SELENOI: variants seen among roughly 807,000 people sequenced by gnomAD.
SELENOI encodes the protein ethanolaminephosphotransferase 1.
Under a neutral mutation model 50.7 loss-of-function variants are expected in SELENOI, and 24 were observed. That is an observed-to-expected ratio of 0.47 (90% CI 0.34 to 0.67). The LOEUF is 0.67. Among genes scored for constraint, SELENOI ranks in the 30% least tolerant of loss-of-function variants. The probability of loss-of-function intolerance (pLI) is 0.01; values close to 1 mark genes in which losing one functional copy is unlikely to be tolerated. For synonymous variants in SELENOI, 155 were observed against 170.2 expected (o/e 0.91, Z 0.70); for missense variants, 352 against 461.4 (o/e 0.76, Z 2.17).
intron 1 of SELENOI, among the ~76,000 whole-genome samples, chr2:26,353,813 A>G (rs1164893881): frequency 6.6e-6 from 1 of 152,190 alleles, no homozygotes; most frequent in African/African-American, 2.4e-5. Context: ...CTGAAATAAC[A>G]GTTCACTGAT....
intron 6 of SELENOI, among the ~76,000 whole-genome samples, chr2:26,379,877 A>G (rs1022434677): frequency 7.2e-5 from 11 of 152,222 alleles, no homozygotes; most frequent in Admixed American, 7.2e-4. Flanking sequence ...GTGACACAGA[A>G]TACTCATTTG....
chr2:26,364,451 C>A, intron 2 of SELENOI, 81 bp downstream of exon 2: 1 of 887,300 alleles, frequency 1.1e-6, no homozygotes, highest in Non-Finnish European at 1.8e-6. Context: ...ATTATAAATG[C>A]AACTCTCAGT....
Position 26,346,257 on chromosome 2 carries a change from C to A in SELENOI, c.25C>A (p.Pro9Thr), listed in dbSNP as rs759682662. MAGYEYVS[P>T]EQLAGFDKYK... ...CATGGCTGGCTACGAATACGTGAGC[C>A]CGGAGCAGCTGGCTGGCTTTGATAA... Residue 9 changes from proline (P) to threonine (T), a missense_variant, in exon 1 of 10, where the codon CCG becomes ACG. Coordinates refer to ENST00000260585, the MANE Select transcript of SELENOI (RefSeq NM_033505.4). The A allele has an allele frequency of 6.2e-7, 1 of 1,613,636 alleles. No homozygotes were observed.
At chr2:26,386,595 G>A (rs1213502846) in intron 9 of SELENOI, 59 bp downstream of exon 9, 2 of 1,394,000 alleles carry the variant, frequency 1.4e-6, no homozygotes, top group South Asian at 1.6e-5. Context: ...ACCAATAAAT[G>A]CCTCCGAGTA....
intron 1 of SELENOI, among the ~76,000 whole-genome samples, chr2:26,354,542 A>G (rs1210376356): frequency 6.6e-6 from 1 of 151,166 alleles, no homozygotes; most frequent in Non-Finnish European, 1.5e-5. Context: ...GGCCGCCACC[A>G]CGCCCGGCTA....
At chr2:26,376,038 T>G (rs1205466746) in intron 6 of SELENOI, among the ~76,000 whole-genome samples, 2 of 148,054 alleles carry the variant, frequency 1.4e-5, no homozygotes, top group African/African-American at 2.5e-5. Context: ...CAGTGAGCTA[T>G]GATCGCATGT....
intron 4 of SELENOI, among the ~76,000 whole-genome samples, chr2:26,372,415 C>G (rs993834924): frequency 6.6e-6 from 1 of 151,998 alleles, no homozygotes; most frequent in Non-Finnish European, 1.5e-5. Context: ...CCGGCCTGTT[C>G]CTTTCTCAAT....
chr2:26,372,639 CT>C (rs1425721871), intron 4 of SELENOI, among the ~76,000 whole-genome samples: 2 of 152,142 alleles, frequency 1.3e-5, no homozygotes, highest in African/African-American at 4.8e-5. Context: ...GACTGAAGTA[CT>C]TTTGGATCCT....
intron 1 of SELENOI, among the ~76,000 whole-genome samples, chr2:26,351,051 G>GTTGTT (rs1558409882): frequency 2.9e-5 from 3 of 102,074 alleles, no homozygotes; most frequent in African/African-American, 1.1e-4. Flanking sequence ...TTCACTGTTT[G>GTTGTT]TTTGTTTTTT....
At chr2:26,371,643 G>T (rs1177759371) in intron 4 of SELENOI, among the ~76,000 whole-genome samples, 1 of 152,238 alleles carries the variant, frequency 6.6e-6, no homozygotes, top group Non-Finnish European at 1.5e-5. Context: ...CGGATCACTC[G>T]CGGTTAGGAG....
At chr2:26,362,965 T>G (rs1417244355) in intron 1 of SELENOI, among the ~76,000 whole-genome samples, 2 of 151,978 alleles carry the variant, frequency 1.3e-5, no homozygotes, top group African/African-American at 4.8e-5. Context: ...GTGTGTGGAG[T>G]GAATAAGTTA....
At chr2:26,349,224 G>C (rs1356499247) in intron 1 of SELENOI, among the ~76,000 whole-genome samples, 2 of 151,146 alleles carry the variant, frequency 1.3e-5, no homozygotes. Context: ...ATGTTGGTCA[G>C]GCTGGTCTCG....
chr2:26,360,885 A>G lies in SELENOI; in HGVS notation c.58-3417A>G, dbSNP rs185161840. Among the ~76,000 whole-genome samples the G allele has an allele frequency of 2.6e-4, 39 of 152,252 alleles. No homozygotes were observed. The East Asian group carries it at 6.6e-3, about 26-fold the overall frequency. ...ACTCTTTCATTCTGCACAGGCTCCAATGGAGTGATATCTATTATGGAAAGG... is the reference window on the plus strand; with the variant it reads ...ACTCTTTCATTCTGCACAGGCTCCAGTGGAGTGATATCTATTATGGAAAGG... On this transcript the variant is annotated intron_variant, in intron 1 of 9. Coordinates refer to ENST00000260585, the MANE Select transcript of SELENOI (RefSeq NM_033505.4).
chr2:26,391,898 T>G lies in SELENOI; in HGVS notation c.*2795T>G, dbSNP rs1677978756. ...GACATTGCCACAGTTTACAGTGTCA[T>G]TCTTCCACGAATAGGTAATTGATAG... On this transcript the variant is annotated 3_prime_UTR_variant, in exon 10 of 10. Transcript: ENST00000260585. 6.6e-6 allele frequency: 1 copy of G among 152,228 alleles called. No individual in the cohort carries two copies. The highest frequency in any genetic ancestry group is 1.5e-5 in the Non-Finnish European group (1 of 68,028). 9.4% of individuals were successfully genotyped at this position (152,228 alleles called of 1,614,324 possible).
At position 26,373,546 on chromosome 2, in the gene SELENOI, T is replaced by G; in HGVS notation, c.490T>G (p.Leu164Val). Residue 164 changes from leucine (L) to valine (V), a missense_variant, in exon 5 of 10, where the codon TTG becomes GTG. Coordinates refer to ENST00000260585, the MANE Select transcript of SELENOI (RefSeq NM_033505.4). The stretch of plus-strand genomic sequence containing the variant: ...TCTTTATCTCCTGCTATGGGTAGTT[T>G]TGTTTTCTTTCATCCTGTCCCACTG... ...FVLYLLLWVV[L>V]FSFILSHWEK... is the part of the protein sequence containing the mutation. The G allele has an allele frequency of 6.2e-7, 1 of 1,613,976 alleles. No individual in the cohort carries two copies. Among genetic ancestry groups the G allele is most frequent in the Non-Finnish European group, 8.5e-7 (1 of 1,179,868 alleles).
At chr2:26,364,704 G>A (rs1677251018) in intron 2 of SELENOI, 128 bp from the exon 3 acceptor site, 1 of 647,934 alleles carries the variant, frequency 1.5e-6, no homozygotes, top group Non-Finnish European at 2.6e-6. Flanking sequence ...ACGTGTTAAT[G>A]TCTATAACTT....
In SELENOI at chr2:26,388,933, G is replaced by A. The variant is rs549008754; in HGVS notation, c.1096-72G>A. ...GTCAATAAATTGTTATCTCTAGGGG[G>A]TAAATTCTGTGTGCTTTTAAAAAAC... On this transcript the variant is annotated intron_variant, in intron 9 of 9. Coordinates refer to ENST00000260585, the MANE Select transcript of SELENOI (RefSeq NM_033505.4). 4 of 1,182,192 alleles carry A rather than the reference G, an allele frequency of 3.4e-6. No homozygotes were observed. In the South Asian group the frequency reaches 5.3e-5, roughly 16 times the overall value. 73.2% of individuals were successfully genotyped at this position (1,182,192 alleles called of 1,614,324 possible).
intron 3 of SELENOI, 137 bp downstream of exon 3, chr2:26,365,077 A>ATTAGAT (rs1193801338): frequency 1.4e-5 from 8 of 573,882 alleles, no homozygotes; most frequent in Non-Finnish European, 2.0e-5. Flanking sequence ...TGCCTATTGA[A>ATTAGAT]TTAGATATGT....
chr2:26,369,941 G>A (rs1226184300), intron 4 of SELENOI, among the ~76,000 whole-genome samples: 1 of 151,132 alleles, frequency 6.6e-6, no homozygotes, highest in Admixed American at 6.6e-5. Context: ...CAATAGTGGA[G>A]GGAAGGTCAG....
Sources: allele counts gnomAD v4.1 joint callset (sites outside exome capture counted in the v4.1 genomes callset), GRCh38; gene constraint gnomAD v4.1.1; transcripts MANE v1.5; gene names NCBI Gene and HGNC (gene_info 2026-07-23, HGNC 2026-07-21).